Variants in KXD1 observed in about 807,000 individuals in gnomAD.
KXD1 encodes the protein kxDL motif-containing protein 1.
KXD1 carries 5 observed loss-of-function variants against 12.1 expected under a neutral mutation model. The observed-to-expected ratio is 0.41, with a 90% CI of 0.22 to 0.87. KXD1 has a LOEUF of 0.87. KXD1 is among the 40% of genes least tolerant of loss of function. The probability of loss-of-function intolerance (pLI) is 0.31; values close to 1 mark genes in which losing one functional copy is unlikely to be tolerated. For missense variants in KXD1, 193 were observed against 244.9 expected (o/e 0.79, Z 1.41); for synonymous variants, 98 against 100.5 (o/e 0.98, Z 0.15).
chr19:18,561,280 C>T (rs899439954), intron 1 of KXD1: 7 of 152,310 alleles, frequency 4.6e-5, no homozygotes, highest in Non-Finnish European at 2.9e-5. Context: ...AGCCTGGGCG[C>T]GGTGGCTCAT....
At chr19:18,565,478 C>T (rs568349865) in intron 3 of KXD1, among the ~76,000 whole-genome samples, 8 of 151,986 alleles carry the variant, frequency 5.3e-5, no homozygotes, top group Non-Finnish European at 4.4e-5. Flanking sequence ...GTGATCCAGC[C>T]GCCTTGGCCT....
intron 1 of KXD1, chr19:18,559,633 A>C (rs992529732): frequency 1.3e-5 from 2 of 152,110 alleles, no homozygotes; most frequent in African/African-American, 4.8e-5. Flanking sequence ...TCACAGCTGG[A>C]TATTGTGCAC....
intron 1 of KXD1, chr19:18,559,969 TTCTCTCTCTC>T: frequency 1.4e-5 from 2 of 146,334 alleles, no homozygotes; most frequent in Non-Finnish European, 3.0e-5. Flanking sequence ...CTCTCTCTCT[TTCTCTCTCTC>T]CCTTCCTTCC....
At chr19:18,566,123 GC>G (rs1975213091) in intron 3 of KXD1, among the ~76,000 whole-genome samples, 1 of 151,900 alleles carries the variant, frequency 6.6e-6, no homozygotes, top group African/African-American at 2.4e-5. Context: ...GAGCCATCAT[GC>G]CCAGCCTTGC....
At position 18,568,655 on chromosome 19, in the gene KXD1, G is replaced by C; in HGVS notation, c.*24G>C. On this transcript the variant is annotated 3_prime_UTR_variant, in exon 5 of 5. Transcript: ENST00000222307. ...AGCCCTGCTGCCCGGTGCCTTGAGGGGGTCTCAGGGCAGCAGCATACAAGG... is the reference window on the plus strand; with the variant it reads ...AGCCCTGCTGCCCGGTGCCTTGAGGCGGTCTCAGGGCAGCAGCATACAAGG... The C allele has an allele frequency of 6.4e-7, 1 of 1,560,166 alleles. No individual in the cohort carries two copies. The highest frequency in any genetic ancestry group is 1.3e-5 in the African/African-American group (1 of 74,148).
chr19:18,567,018 G>A (rs373770728), intron 3 of KXD1, 114 bp from the exon 4 acceptor site: 1 of 857,208 alleles, frequency 1.2e-6, no homozygotes, highest in Admixed American at 2.0e-5. Context: ...CAGTGTGGGG[G>A]TTCTCACTCC....
intron 4 of KXD1, among the ~76,000 whole-genome samples, chr19:18,567,804 G>A (rs1975325132): frequency 6.6e-6 from 1 of 152,230 alleles, no homozygotes; most frequent in African/African-American, 2.4e-5. Context: ...ACAGAGCAGG[G>A]AGCTGGGCTG....
intron 2 of KXD1, 129 bp from the exon 3 acceptor site, chr19:18,564,740 C>A: frequency 9.7e-7 from 1 of 1,028,620 alleles, no homozygotes; most frequent in Non-Finnish European, 1.5e-6. Flanking sequence ...TAGAACTCTG[C>A]AGGACAAGGG....
Position 18,568,528 on chromosome 19 carries a change from C to A in KXD1, c.428C>A (p.Pro143His). 1.1e-5 allele frequency: 18 copies of A among 1,614,116 alleles called. No individual in the cohort carries two copies. Among genetic ancestry groups the A allele is most frequent in the Non-Finnish European group, 1.5e-5 (18 of 1,180,028 alleles). ...GACACCAGCCCCGACACCGTCTCGC[C>A]CTCCCTGAGCCCCGGCTTCGAGGAC... ...SCDTSPDTVSPSLSPGFEDLS... is the reference protein window; with the variant it reads ...SCDTSPDTVSHSLSPGFEDLS... The change falls in exon 5 of 5, where the codon CCC (proline) becomes CAC (histidine). Residue 143 changes from proline (P) to histidine (H), a missense_variant. Physicochemically the swap from Pro to His is moderately conservative, Grantham distance 77. Coordinates refer to ENST00000222307, the MANE Select transcript of KXD1 (RefSeq NM_024069.4).
At chr19:18,564,836 G>A in intron 2 of KXD1, 33 bp from the exon 3 acceptor site, 1 of 1,611,342 alleles carries the variant, frequency 6.2e-7, no homozygotes. Context: ...CTGAAGCTGG[G>A]CAGTGAAGCT....
chr19:18,568,822 T>C lies in KXD1; in HGVS notation c.*191T>C, dbSNP rs1975389311. 3 of 593,156 alleles carry C rather than the reference T, an allele frequency of 5.1e-6. No homozygotes were observed. The African/African-American group carries it at 5.6e-5, about 11-fold the overall frequency. 36.7% of individuals were successfully genotyped at this position (593,156 alleles called of 1,614,324 possible). ...GGGGTCTTTAATTCTGGCTCCTTCC[T>C]TCCTCAGAACATCTCTATTCTGCAA... On this transcript the variant is annotated 3_prime_UTR_variant, in exon 5 of 5. Transcript: ENST00000222307.
chr19:18,568,773 C>G lies in KXD1; in HGVS notation c.*142C>G. 1.6e-6 allele frequency: 1 copy of G among 637,448 alleles called. No homozygotes were observed. Among genetic ancestry groups the G allele is most frequent in the Non-Finnish European group, 2.7e-6 (1 of 369,816 alleles). The allele number at this position is 637,448 out of a possible 1,614,324, so 39.5% of individuals were successfully genotyped here. On this transcript the variant is annotated 3_prime_UTR_variant, in exon 5 of 5. Transcript: ENST00000222307. ...GGCTCCTAGGGGGACAAGGCTCTCT[C>G]CCGAGGGGTGTGGAATTCCTGGGGG...
intron 2 of KXD1, among the ~76,000 whole-genome samples, chr19:18,563,625 T>C (rs1481866472): frequency 1.3e-5 from 2 of 152,044 alleles, no homozygotes; most frequent in African/African-American, 2.4e-5. Flanking sequence ...TGCCTCAGCC[T>C]TCCAAGTAGC....
In KXD1 at chr19:18,569,356, A is replaced by G. The variant is rs1975407446; in HGVS notation, c.*725A>G. ...CTGTTGGGAAGTTATCAATAAAAAG[A>G]CACCATTACTAAAAAGGGAAAAGTA... is the stretch of plus-strand genomic sequence containing the variant. On this transcript the variant is annotated 3_prime_UTR_variant, in exon 5 of 5. Transcript: ENST00000222307. 6.6e-6 allele frequency: 1 copy of G among 152,618 alleles called. No individual in the cohort carries two copies. The highest frequency in any genetic ancestry group is 2.4e-5 in the African/African-American group (1 of 41,434). 9.5% of individuals were successfully genotyped at this position (152,618 alleles called of 1,614,324 possible). A position where few individuals can be genotyped will look rare whatever the true frequency, so the allele number is the denominator to read the frequency against.
intron 1 of KXD1, chr19:18,559,338 C>T (rs971573517): frequency 2.0e-5 from 3 of 152,028 alleles, no homozygotes; most frequent in Non-Finnish European, 4.4e-5. Context: ...GACTGGGTGT[C>T]TCTGCATGGC....
intron 4 of KXD1, 35 bp from the exon 5 acceptor site, chr19:18,568,367 G>A: frequency 3.9e-6 from 6 of 1,528,376 alleles, no homozygotes; most frequent in Non-Finnish European, 5.4e-6. Flanking sequence ...GCTTGGCAAG[G>A]TGACAAAACC....
chr19:18,559,882 T>G (rs569351431), intron 1 of KXD1: 122 of 151,164 alleles, frequency 8.1e-4, no homozygotes, highest in African/African-American at 2.9e-3. Context: ...TCTCTTTCCT[T>G]TCTTTCTCTC....
In KXD1 at chr19:18,568,694, C is replaced by T; in HGVS notation, c.*63C>T. On this transcript the variant is annotated 3_prime_UTR_variant, in exon 5 of 5. Coordinates refer to ENST00000222307, the MANE Select transcript of KXD1 (RefSeq NM_024069.4). ...CAGCATACAAGGTGGCAGCGGGTAA[C>T]CCTGCCTTGTTCTGTCATCCAGGGC... The T allele has an allele frequency of 7.7e-6, 10 of 1,302,260 alleles. No homozygotes were observed. The highest frequency in any genetic ancestry group is 9.7e-6 in the Non-Finnish European group (9 of 928,238). 80.7% of individuals were successfully genotyped at this position (1,302,260 alleles called of 1,614,324 possible).
chr19:18,568,927 GC>G lies in KXD1; in HGVS notation c.*298del. ...CACAGGGGAATTTTTCCAGAGCTGA[GC>G]CTGACGTCTGCTCTGAAGAATGCTT... is the stretch of plus-strand genomic sequence containing the variant. On this transcript the variant is annotated 3_prime_UTR_variant, in exon 5 of 5. Transcript: ENST00000222307. 1 of 445,332 alleles carries G rather than the reference GC, an allele frequency of 2.2e-6. No individual in the cohort carries two copies. Among genetic ancestry groups the G allele is most frequent in the East Asian group, 4.2e-5 (1 of 24,072 alleles). 27.6% of individuals were successfully genotyped at this position (445,332 alleles called of 1,614,324 possible).
Sources: allele counts gnomAD v4.1 joint callset (sites outside exome capture counted in the v4.1 genomes callset), GRCh38; gene constraint gnomAD v4.1.1; transcripts MANE v1.5; gene names NCBI Gene and HGNC (gene_info 2026-07-23, HGNC 2026-07-21).